Variants in TMEM132D observed in about 807,000 individuals in gnomAD.
The protein encoded by TMEM132D is mature OL transmembrane protein.
A neutral mutation model predicts 62.3 loss-of-function variants in TMEM132D; 21 were observed. The observed-to-expected ratio is 0.34, with a 90% CI of 0.24 to 0.49. TMEM132D has a LOEUF of 0.49. Among genes scored for constraint, TMEM132D ranks in the 20% least tolerant of loss-of-function variants. TMEM132D has a pLI of 0.99. For synonymous variants in TMEM132D, 621 were observed against 575.6 expected (o/e 1.08, Z -1.13); for missense variants, 1,346 against 1,402.8 (o/e 0.96, Z 0.65).
At chr12:129,634,106 G>A (rs575497093) in intron 2 of TMEM132D, among the ~76,000 whole-genome samples, 4 of 152,084 alleles carry the variant, frequency 2.6e-5, no homozygotes, top group African/African-American at 4.8e-5. Context: ...GCGTTGTCAC[G>A]TGTGGGAAGG....
At chr12:129,484,115 G>A (rs778138825) in intron 3 of TMEM132D, among the ~76,000 whole-genome samples, 2 of 152,018 alleles carry the variant, frequency 1.3e-5, no homozygotes, top group African/African-American at 2.4e-5. Context: ...GATTACAGGC[G>A]TGCACCACCA....
chr12:129,187,090 C>A (rs1274701912), intron 5 of TMEM132D, among the ~76,000 whole-genome samples: 4 of 152,208 alleles, frequency 2.6e-5, no homozygotes, highest in Non-Finnish European at 4.4e-5. Context: ...AGGCACACGG[C>A]TAGCCTGGGT....
chr12:129,326,691 G>T (rs1041650608), intron 4 of TMEM132D, among the ~76,000 whole-genome samples: 1 of 152,054 alleles, frequency 6.6e-6, no homozygotes, highest in African/African-American at 2.4e-5. Context: ...CAGCTCCATT[G>T]TTTTCAACTC....
At chr12:129,091,436 T>A (rs1213413660) in intron 5 of TMEM132D, among the ~76,000 whole-genome samples, 9 of 114,242 alleles carry the variant, frequency 7.9e-5, no homozygotes, top group South Asian at 2.9e-4. Flanking sequence ...ACCTATCCTC[T>A]CCTGGGCTCT....
chr12:129,491,975 C>G (rs1874809592), intron 3 of TMEM132D, among the ~76,000 whole-genome samples: 1 of 151,956 alleles, frequency 6.6e-6, no homozygotes, highest in Non-Finnish European at 1.5e-5. Context: ...AAAGCTATCT[C>G]TAAAGAATAC....
chr12:129,248,648 T>G (rs1328170644), intron 4 of TMEM132D, among the ~76,000 whole-genome samples: 1 of 152,126 alleles, frequency 6.6e-6, no homozygotes, highest in Non-Finnish European at 1.5e-5. Context: ...ACAGATTATT[T>G]CATCACCCAG....
chr12:129,801,847 G>A (rs1049739586), intron 1 of TMEM132D, among the ~76,000 whole-genome samples: 9 of 150,662 alleles, frequency 6.0e-5, no homozygotes, highest in African/African-American at 2.2e-4. Context: ...GCTTAAAGGA[G>A]CTGATGGAGC....
chr12:129,166,680 T>TACACACACACACAC (rs1488503458), intron 5 of TMEM132D, among the ~76,000 whole-genome samples: 1 of 76,298 alleles, frequency 1.3e-5, no homozygotes, highest in Non-Finnish European at 3.2e-5. Context: ...AGGACATATA[T>TACACACACACACAC]ATACACATAC....
At chr12:129,569,648 C>T (rs1007180550) in intron 2 of TMEM132D, among the ~76,000 whole-genome samples, 4 of 152,160 alleles carry the variant, frequency 2.6e-5, no homozygotes, top group Non-Finnish European at 4.4e-5. Flanking sequence ...AATACAAGTA[C>T]TGCTCAAGGT....
chr12:129,176,463 T>C (rs1877909199), intron 5 of TMEM132D, among the ~76,000 whole-genome samples: 1 of 152,232 alleles, frequency 6.6e-6, no homozygotes, highest in Non-Finnish European at 1.5e-5. Context: ...TTCTAGCTCC[T>C]GGAACTTCAG....
Position 129,482,178 on chromosome 12 carries a change from T to C in TMEM132D, c.1115+48881A>G, listed in dbSNP as rs117205910. Among the ~76,000 whole-genome samples, 215 of 152,328 alleles carry C rather than the reference T, an allele frequency of 1.4e-3. 4 individuals carry two copies. The East Asian group carries it at 0.039, about 28-fold the overall frequency. On this transcript the variant is annotated intron_variant, in intron 3 of 8. Coordinates refer to ENST00000422113, the MANE Select transcript of TMEM132D (RefSeq NM_133448.3). ...TTCCCAGCTGAGCCCCCAGGTGCCA[T>C]GGAGTACGGCCAAGCCATCTCCACT...
chr12:129,468,586 T>C (rs1434008268), intron 3 of TMEM132D, among the ~76,000 whole-genome samples: 2 of 152,204 alleles, frequency 1.3e-5, no homozygotes, highest in Non-Finnish European at 2.9e-5. Context: ...TGTTTTACCT[T>C]TTTGTATCCT....
intron 1 of TMEM132D, among the ~76,000 whole-genome samples, chr12:129,778,875 G>A (rs773273966): frequency 7.2e-5 from 11 of 152,104 alleles, no homozygotes; most frequent in Non-Finnish European, 5.9e-5. Flanking sequence ...TTATATAGCT[G>A]CTTACCTCGC....
At chr12:129,629,274 TC>T (rs1435652381) in intron 2 of TMEM132D, among the ~76,000 whole-genome samples, 1 of 152,178 alleles carries the variant, frequency 6.6e-6, no homozygotes, top group African/African-American at 2.4e-5. Flanking sequence ...CAGACCCTAC[TC>T]CACATTATCA....
intron 2 of TMEM132D, among the ~76,000 whole-genome samples, chr12:129,550,033 C>T (rs1021651921): frequency 7.2e-5 from 11 of 152,114 alleles, no homozygotes; most frequent in African/African-American, 2.4e-4. Context: ...AGGATATAAA[C>T]ATACAAACTA....
chr12:129,743,631 A>G (rs1268825612), intron 1 of TMEM132D, among the ~76,000 whole-genome samples: 1 of 152,150 alleles, frequency 6.6e-6, no homozygotes, highest in Non-Finnish European at 1.5e-5. Context: ...CCAAAAAAAT[A>G]TGCTCGTGCC....
At chr12:129,549,967 G>A (rs141699707) in intron 2 of TMEM132D, among the ~76,000 whole-genome samples, 1 of 152,268 alleles carries the variant, frequency 6.6e-6, no homozygotes, top group African/African-American at 2.4e-5. Context: ...TGTTACTGAG[G>A]CCTAACCTGG....
At chr12:129,284,847 G>T (rs12296193) in intron 4 of TMEM132D, among the ~76,000 whole-genome samples, 2 of 152,166 alleles carry the variant, frequency 1.3e-5, no homozygotes, top group Non-Finnish European at 2.9e-5. Context: ...GATTCAATTT[G>T]TAGGAAATAT....
intron 4 of TMEM132D, chr12:129,210,815 G>C (rs1879020105): frequency 6.6e-6 from 1 of 152,108 alleles, no homozygotes; most frequent in African/African-American, 2.4e-5. Flanking sequence ...TTGCTCCCCA[G>C]CTCCTCACAC....
Sources: gnomAD v4.1 joint callset for allele counts (sites outside exome capture counted in the v4.1 genomes callset) on GRCh38, gnomAD v4.1.1 for gene constraint, MANE v1.5 for transcripts, NCBI Gene and HGNC (gene_info 2026-07-23, HGNC 2026-07-21) for gene names.